Variants in DCLK1 observed in about 807,000 individuals in gnomAD.
DCLK1 encodes serine/threonine-protein kinase DCLK1.
A neutral mutation model predicts 86.2 loss-of-function variants in DCLK1; 16 were observed. The ratio of observed to expected loss-of-function variants is 0.19; its 90% CI spans 0.13 to 0.28. The LOEUF (loss-of-function observed/expected upper bound fraction) is 0.28, where lower values mean the gene tolerates loss of function less well. DCLK1 is among the 10% of genes least tolerant of loss of function. The pLI is 1.00. For missense variants in DCLK1, 590 were observed against 940.2 expected (o/e 0.63, Z 4.87); for synonymous variants, 369 against 370.5 (o/e 1.00, Z 0.05).
intron 5 of DCLK1, among the ~76,000 whole-genome samples, chr13:35,862,079 A>ATGCAT (rs1871442626): frequency 6.8e-6 from 1 of 146,480 alleles, no homozygotes; most frequent in South Asian, 2.2e-4. Flanking sequence ...TCCCTCCCCC[A>ATGCAT]TGCATGGTTC....
chr13:35,818,594 C>G (rs994493341), intron 11 of DCLK1, among the ~76,000 whole-genome samples: 3 of 152,060 alleles, frequency 2.0e-5, no homozygotes, highest in African/African-American at 7.2e-5. Context: ...TTTCTGGAAT[C>G]TAATAAAAAC....
At chr13:36,060,322 C>T (rs79313519) in intron 3 of DCLK1, among the ~76,000 whole-genome samples, 234 of 152,258 alleles carry the variant, frequency 1.5e-3, no homozygotes, top group African/African-American at 5.4e-3. Context: ...CTACTCAGTA[C>T]TACGTCACTC....
intron 3 of DCLK1, among the ~76,000 whole-genome samples, chr13:36,039,552 C>A (rs1217933263): frequency 1.3e-5 from 2 of 152,210 alleles, no homozygotes; most frequent in East Asian, 3.9e-4. Context: ...TAAAAATTCC[C>A]TTTTTATTTA....
At chr13:36,056,180 G>A (rs1442804423) in intron 3 of DCLK1, among the ~76,000 whole-genome samples, 73 of 118,204 alleles carry the variant, frequency 6.2e-4, no homozygotes, top group South Asian at 5.1e-3. Context: ...TGTTTATTGC[G>A]GCATTATTCA....
At chr13:36,129,639 A>T (rs1277358406) in intron 1 of DCLK1, among the ~76,000 whole-genome samples, 4 of 152,212 alleles carry the variant, frequency 2.6e-5, no homozygotes, top group Non-Finnish European at 5.9e-5. Flanking sequence ...GGCCTTCCAC[A>T]GGTTTACACT....
chr13:35,997,790 C>T (rs1880536200), intron 3 of DCLK1, among the ~76,000 whole-genome samples: 1 of 152,166 alleles, frequency 6.6e-6, no homozygotes, highest in Non-Finnish European at 1.5e-5. Context: ...CTGGCAATTG[C>T]TTTGTTCCAT....
At chr13:35,840,180 T>C (rs1869691783) in intron 6 of DCLK1, among the ~76,000 whole-genome samples, 1 of 152,128 alleles carries the variant, frequency 6.6e-6, no homozygotes, top group Non-Finnish European at 1.5e-5. Flanking sequence ...GAAGCAAAGC[T>C]GACCTATTTT....
intron 3 of DCLK1, among the ~76,000 whole-genome samples, chr13:36,096,426 A>G (rs1885024111): frequency 6.6e-6 from 1 of 152,236 alleles, no homozygotes; most frequent in South Asian, 2.1e-4. Flanking sequence ...GGCATTTTCA[A>G]TGATGGTTCA....
intron 3 of DCLK1, among the ~76,000 whole-genome samples, chr13:36,018,598 A>G (rs922756576): frequency 3.3e-5 from 5 of 152,152 alleles, no homozygotes; most frequent in African/African-American, 1.2e-4. Context: ...ACCAGTGCCT[A>G]TTAATTTTGA....
At chr13:35,847,283 T>G in intron 6 of DCLK1, 1 of 985,266 alleles carries the variant, frequency 1.0e-6, no homozygotes, top group South Asian at 4.7e-5. Context: ...AATTTAAACA[T>G]GCCCCAACTA....
At chr13:35,846,282 T>G in intron 6 of DCLK1, 1 of 985,092 alleles carries the variant, frequency 1.0e-6, no homozygotes, top group Non-Finnish European at 1.2e-6. Context: ...AGTAAAGAGT[T>G]CTTAGAAAAA....
chr13:36,056,906 A>AATAT (rs1555359542), intron 3 of DCLK1, among the ~76,000 whole-genome samples: 2,907 of 130,030 alleles, frequency 0.022, 50 homozygotes, highest in Non-Finnish European at 0.035. Context: ...AAAAAAAAAA[A>AATAT]ATATATATAT....
intron 3 of DCLK1, among the ~76,000 whole-genome samples, chr13:35,980,147 T>C (rs1172148720): frequency 6.6e-6 from 1 of 152,168 alleles, no homozygotes; most frequent in Non-Finnish European, 1.5e-5. Context: ...AAAATGAAAC[T>C]CTGTATCCAT....
chr13:36,125,720 G>A, intron 2 of DCLK1, 42 bp downstream of exon 2: 41 of 1,572,024 alleles, frequency 2.6e-5, no homozygotes, highest in Non-Finnish European at 3.2e-5. Context: ...ATCTGAGCCT[G>A]GAACCTGTAG....
At chr13:35,834,230 T>C (rs1164750251) in intron 8 of DCLK1, among the ~76,000 whole-genome samples, 2 of 152,150 alleles carry the variant, frequency 1.3e-5, no homozygotes, top group African/African-American at 4.8e-5. Context: ...ATCAATGAAA[T>C]ATAAAATTAT....
rs555173944 is a variant in DCLK1 at position 35,771,709 on chromosome 13, G to A, written c.*2826C>T. 2.6e-5 allele frequency: 4 copies of A among 152,094 alleles called. No individual in the cohort carries two copies. Among genetic ancestry groups the A allele is most frequent in the Middle Eastern group, 6.8e-3 (2 of 294 alleles). 9.4% of individuals were successfully genotyped at this position (152,094 alleles called of 1,614,324 possible). The stretch of plus-strand genomic sequence containing the variant: ...AAAGAAAGACGGTCCCCATCACCAG[G>A]CCACCACCATAAGAGAGCTATATTA... On this transcript the variant is annotated 3_prime_UTR_variant, in exon 17 of 17. Transcript: ENST00000360631.
intron 4 of DCLK1, among the ~76,000 whole-genome samples, chr13:35,893,478 A>T (rs1873767796): frequency 6.6e-6 from 1 of 152,190 alleles, no homozygotes; most frequent in Admixed American, 6.5e-5. Context: ...AGCATCCCTG[A>T]CCTGAAAATC....
intron 3 of DCLK1, among the ~76,000 whole-genome samples, chr13:36,097,166 C>G (rs951792822): frequency 4.6e-5 from 7 of 152,052 alleles, no homozygotes; most frequent in Non-Finnish European, 1.0e-4. Flanking sequence ...AAAATGAGGT[C>G]AACATTTAAA....
At chr13:35,886,770 G>A (rs1873292662) in intron 4 of DCLK1, among the ~76,000 whole-genome samples, 1 of 152,134 alleles carries the variant, frequency 6.6e-6, no homozygotes, top group African/African-American at 2.4e-5. Context: ...TCTGTCAGTC[G>A]TTTTCCTGAC....
Sources: allele counts gnomAD v4.1 joint callset (sites outside exome capture counted in the v4.1 genomes callset), GRCh38; gene constraint gnomAD v4.1.1; transcripts MANE v1.5; gene names NCBI Gene and HGNC (gene_info 2026-07-23, HGNC 2026-07-21).